The following CCSER1 variants were observed in gnomAD, a reference collection of about 807,000 sequenced individuals.
CCSER1 encodes the protein serine-rich coiled-coil domain-containing protein 1.
CCSER1 carries 41 observed loss-of-function variants against 82.0 expected under a neutral mutation model. The observed-to-expected ratio is 0.50, with a 90% CI of 0.39 to 0.65. CCSER1 has a LOEUF of 0.65. Among genes scored for constraint, CCSER1 ranks in the 30% least tolerant of loss-of-function variants. The pLI is 0.00. For synonymous variants in CCSER1, 414 were observed against 383.9 expected, an observed-to-expected ratio of 1.08 and a Z score of -0.92; for missense variants, 1,119 against 1,064.2, an observed-to-expected ratio of 1.05 and a Z score of -0.72.
chr4:90,145,027 A>G lies in CCSER1; in HGVS notation c.-42+17196A>G, dbSNP rs916422894. 1.8e-4 allele frequency among the ~76,000 whole-genome samples: 28 copies of G among 152,240 alleles called. 1 individual carries two copies. Among genetic ancestry groups the G allele is most frequent in the African/African-American group, 6.7e-4 (28 of 41,568 alleles). On this transcript the variant is annotated intron_variant, in intron 1 of 10. Coordinates refer to ENST00000509176, the MANE Select transcript of CCSER1 (RefSeq NM_001145065.2). ...TCTATTTTCTGGCTACCTATAGTTT[A>G]ATTTTGATTATAAAAGCATGATGGC...
intron 10 of CCSER1, among the ~76,000 whole-genome samples, chr4:91,381,336 G>C (rs1750874891): frequency 6.6e-6 from 1 of 152,174 alleles, no homozygotes; most frequent in African/African-American, 2.4e-5. Flanking sequence ...ATATCCTGCA[G>C]AGTGTTTTCC....
At chr4:91,246,409 C>T (rs1739778522) in intron 10 of CCSER1, among the ~76,000 whole-genome samples, 2 of 151,964 alleles carry the variant, frequency 1.3e-5, no homozygotes, top group African/African-American at 4.8e-5. Flanking sequence ...AAGCATATCA[C>T]CTGAGAAAAT....
chr4:91,587,911 C>T (rs2110332322), intron 10 of CCSER1, among the ~76,000 whole-genome samples: 1 of 151,460 alleles, frequency 6.6e-6, no homozygotes, highest in South Asian at 2.1e-4. Flanking sequence ...ACTTTAAAGC[C>T]TCTCTTGAAT....
chr4:91,078,661 C>A (rs747767256), intron 9 of CCSER1, among the ~76,000 whole-genome samples: 2 of 152,120 alleles, frequency 1.3e-5, no homozygotes, highest in African/African-American at 4.8e-5. Context: ...ACGAACCCAT[C>A]GCAAGAAGCT....
At chr4:91,178,314 A>G (rs1470315235) in intron 10 of CCSER1, among the ~76,000 whole-genome samples, 1 of 152,106 alleles carries the variant, frequency 6.6e-6, no homozygotes, top group Admixed American at 6.6e-5. Flanking sequence ...AGTTCTGTAG[A>G]TGTCTATTAG....
chr4:90,334,978 A>G (rs1202907248), intron 3 of CCSER1, among the ~76,000 whole-genome samples: 2 of 152,176 alleles, frequency 1.3e-5, no homozygotes, highest in Non-Finnish European at 2.9e-5. Flanking sequence ...GACAAAAGGT[A>G]ACAGGAAGAA....
chr4:90,823,771 A>G (rs867639725), intron 8 of CCSER1, among the ~76,000 whole-genome samples: 20 of 151,944 alleles, frequency 1.3e-4, no homozygotes, highest in African/African-American at 4.6e-4. Context: ...TTTTACTTTT[A>G]AAATTAAAGC....
At chr4:90,582,736 G>T (rs1781539920) in intron 5 of CCSER1, among the ~76,000 whole-genome samples, 2 of 152,068 alleles carry the variant, frequency 1.3e-5, no homozygotes, top group African/African-American at 2.4e-5. Flanking sequence ...TAGGAGACAT[G>T]GATATTTAAA....
chr4:90,262,227 A>C (rs181017490), intron 1 of CCSER1, among the ~76,000 whole-genome samples: 35 of 152,086 alleles, frequency 2.3e-4, no homozygotes, highest in East Asian at 1.7e-3. Flanking sequence ...ATTGTTTTTA[A>C]ATTTATATTT....
chr4:90,538,459 C>A (rs1775701222), intron 5 of CCSER1, among the ~76,000 whole-genome samples: 1 of 151,876 alleles, frequency 6.6e-6, no homozygotes, highest in Non-Finnish European at 1.5e-5. Context: ...GTTGCCATTG[C>A]CCTCAGCTAT....
chr4:91,289,587 A>G (rs1386343225), intron 10 of CCSER1, among the ~76,000 whole-genome samples: 1 of 152,050 alleles, frequency 6.6e-6, no homozygotes, highest in Non-Finnish European at 1.5e-5. Context: ...TGATGGTCTC[A>G]TCTGTAAACT....
intron 10 of CCSER1, among the ~76,000 whole-genome samples, chr4:91,425,167 C>A (rs554735482): frequency 3.3e-5 from 5 of 152,044 alleles, no homozygotes; most frequent in African/African-American, 9.7e-5. Flanking sequence ...AGTATCCTGG[C>A]TTAAGAGAAA....
chr4:90,248,702 T>C (rs974204056), intron 1 of CCSER1, among the ~76,000 whole-genome samples: 6 of 125,868 alleles, frequency 4.8e-5, no homozygotes, highest in African/African-American at 2.3e-4. Context: ...AATTTTAGAT[T>C]TTTTTTTTTT....
chr4:90,903,318 C>T (rs11947460), intron 8 of CCSER1, among the ~76,000 whole-genome samples: 54,595 of 151,712 alleles, frequency 0.36, 10,268 homozygotes, highest in Non-Finnish European at 0.42. Context: ...TTATCAGGGG[C>T]TTCCACTTTT....
At chr4:91,000,150 T>C (rs1737875658) in intron 9 of CCSER1, among the ~76,000 whole-genome samples, 1 of 152,046 alleles carries the variant, frequency 6.6e-6, no homozygotes, top group Admixed American at 6.6e-5. Context: ...TCTATGTGTC[T>C]GTTTTTGTAC....
At chr4:90,326,082 G>T in intron 3 of CCSER1, among the ~76,000 whole-genome samples, 1 of 122,266 alleles carries the variant, frequency 8.2e-6, no homozygotes, top group Admixed American at 1.0e-4. Flanking sequence ...TTTTTGAGAC[G>T]GAATCTCACT....
chr4:90,691,854 C>T (rs1736042348), intron 6 of CCSER1, among the ~76,000 whole-genome samples: 1 of 151,840 alleles, frequency 6.6e-6, no homozygotes, highest in African/African-American at 2.4e-5. Flanking sequence ...CCCCATTCTA[C>T]CTTCCACCCT....
At chr4:90,755,721 A>G (rs994264497) in intron 7 of CCSER1, among the ~76,000 whole-genome samples, 2 of 152,182 alleles carry the variant, frequency 1.3e-5, no homozygotes, top group African/African-American at 4.8e-5. Context: ...GTATACTGTG[A>G]TTTGTATTAA....
chr4:90,916,973 T>A (rs1727551682), intron 8 of CCSER1, among the ~76,000 whole-genome samples: 1 of 152,166 alleles, frequency 6.6e-6, no homozygotes, highest in African/African-American at 2.4e-5. Flanking sequence ...AGATACCATC[T>A]CACACCAGTT....
Sources: allele counts gnomAD v4.1 joint callset (sites outside exome capture counted in the v4.1 genomes callset), GRCh38; gene constraint gnomAD v4.1.1; transcripts MANE v1.5; gene names NCBI Gene and HGNC (gene_info 2026-07-23, HGNC 2026-07-21).